Variants in LGR6 observed in about 807,000 individuals in gnomAD.
LGR6 encodes the protein leucine rich repeat containing G protein-coupled receptor 6, also known as leucine-rich repeat-containing G protein-coupled receptor 6.
Under a neutral mutation model 69.4 loss-of-function variants are expected in LGR6, and 45 were observed. That is an observed-to-expected ratio of 0.65 (90% CI 0.51 to 0.83). The LOEUF is 0.83. LGR6 is among the 40% of genes least tolerant of loss of function. The pLI is 0.00. For synonymous variants in LGR6, 538 were observed against 555.0 expected, an observed-to-expected ratio of 0.97 and a Z score of 0.43; for missense variants, 1,108 against 1,246.7, an observed-to-expected ratio of 0.89 and a Z score of 1.68.
chr1:202,199,188 G>A (rs1422456684), intron 1 of LGR6, among the ~76,000 whole-genome samples: 2 of 152,084 alleles, frequency 1.3e-5, no homozygotes, highest in Non-Finnish European at 2.9e-5. Flanking sequence ...GAGCTGCTCA[G>A]CTGCAGGCAG....
rs762201128 is a variant in LGR6 at position 202,309,177 on chromosome 1, G to A, written c.1406+1G>A. 3 of 1,613,854 alleles carry A rather than the reference G, an allele frequency of 1.9e-6. No individual in the cohort carries two copies. The highest frequency in any genetic ancestry group is 1.1e-5 in the South Asian group (1 of 91,064). On this transcript the variant is annotated splice_donor_variant, in intron 15 of 17. Transcript: ENST00000367278. LOFTEE classifies it high-confidence loss of function. ...CCAAGGACAGTTTCCCAAAACTGAG[G>A]TGAGGGACTGGCTTTCCCCAACACC...
intron 4 of LGR6, among the ~76,000 whole-genome samples, chr1:202,272,382 C>T (rs894963458): frequency 6.6e-6 from 1 of 152,180 alleles, no homozygotes; most frequent in Non-Finnish European, 1.5e-5. Flanking sequence ...CTTCCATGTG[C>T]TCATTCCACC....
chr1:202,198,668 GTTTT>G (rs56275558), intron 1 of LGR6, among the ~76,000 whole-genome samples: 2 of 127,672 alleles, frequency 1.6e-5, no homozygotes, highest in Non-Finnish European at 3.4e-5. Context: ...GTAATTTTAG[GTTTT>G]TTTTTTTTTT....
intron 4 of LGR6, among the ~76,000 whole-genome samples, chr1:202,243,352 G>A (rs1225437641): frequency 6.6e-6 from 1 of 152,102 alleles, no homozygotes; most frequent in Non-Finnish European, 1.5e-5. Context: ...GGGAGGTAGG[G>A]GATGTGAACA....
chr1:202,211,122 C>T (rs1281797389), intron 1 of LGR6, among the ~76,000 whole-genome samples: 2 of 152,210 alleles, frequency 1.3e-5, no homozygotes, highest in African/African-American at 4.8e-5. Flanking sequence ...GGGAGAGAAG[C>T]CTGGCAACAC....
intron 1 of LGR6, among the ~76,000 whole-genome samples, chr1:202,224,644 G>A (rs1660384971): frequency 6.6e-6 from 1 of 152,182 alleles, no homozygotes; most frequent in Non-Finnish European, 1.5e-5. Context: ...ATGCAACCTA[G>A]ACCCCTCGCA....
At chr1:202,209,603 G>A (rs1267364590) in intron 1 of LGR6, among the ~76,000 whole-genome samples, 2 of 152,214 alleles carry the variant, frequency 1.3e-5, no homozygotes, top group African/African-American at 4.8e-5. Context: ...AGTCAGCCTG[G>A]TCAATACTTA....
At chr1:202,210,342 A>G (rs1659411912) in intron 1 of LGR6, among the ~76,000 whole-genome samples, 1 of 152,118 alleles carries the variant, frequency 6.6e-6, no homozygotes, top group Non-Finnish European at 1.5e-5. Context: ...TGGATGCTCA[A>G]AAATATTGGT....
chr1:202,214,485 C>A lies in LGR6; in HGVS notation c.213-10938C>A, dbSNP rs577156669. 1.6e-3 allele frequency among the ~76,000 whole-genome samples: 242 copies of A among 151,890 alleles called. 1 individual carries two copies. The highest frequency in any genetic ancestry group is 0.01 in the Middle Eastern group (3 of 292). ...GCTGGGGTGGGCAGGGGCGCGCGCG[C>A]GAGGCTGGTCCCCGCCCCCGGGGCC... On this transcript the variant is annotated intron_variant, in intron 1 of 17. Transcript: ENST00000367278.
At chr1:202,227,659 T>C (rs1401306699) in intron 2 of LGR6, among the ~76,000 whole-genome samples, 1 of 152,174 alleles carries the variant, frequency 6.6e-6, no homozygotes, top group Non-Finnish European at 1.5e-5. Flanking sequence ...AACACCAGGC[T>C]CTGCCATGGA....
intron 6 of LGR6, among the ~76,000 whole-genome samples, chr1:202,285,092 C>T (rs1014971440): frequency 1.3e-5 from 2 of 152,206 alleles, no homozygotes; most frequent in South Asian, 2.1e-4. Context: ...TTGAATTCTG[C>T]CTTATAATAC....
At chr1:202,235,091 C>A (rs1661423793) in intron 3 of LGR6, among the ~76,000 whole-genome samples, 1 of 152,204 alleles carries the variant, frequency 6.6e-6, no homozygotes, top group Non-Finnish European at 1.5e-5. Flanking sequence ...GAGTGCTATC[C>A]TCAAAACTTT....
At chr1:202,264,808 T>C (rs1406084044) in intron 4 of LGR6, among the ~76,000 whole-genome samples, 2 of 152,144 alleles carry the variant, frequency 1.3e-5, no homozygotes, top group Non-Finnish European at 2.9e-5. Flanking sequence ...AATGCTCAGG[T>C]ATCATCCTTT....
intron 14 of LGR6, among the ~76,000 whole-genome samples, 158 bp from the exon 15 acceptor site, chr1:202,308,893 C>T (rs1438539038): frequency 6.6e-6 from 1 of 152,222 alleles, no homozygotes; most frequent in African/African-American, 2.4e-5. Flanking sequence ...GGCTGCCCTC[C>T]TCCCTCGGCA....
intron 11 of LGR6, 38 bp downstream of exon 11, chr1:202,304,668 GC>G: frequency 1.3e-6 from 2 of 1,532,856 alleles, no homozygotes; most frequent in Non-Finnish European, 9.0e-7. Flanking sequence ...TTGGCATTGT[GC>G]CCCTACCCCC....
chr1:202,309,368 T>A (rs1004770861), intron 15 of LGR6, among the ~76,000 whole-genome samples, 192 bp downstream of exon 15: 1 of 152,146 alleles, frequency 6.6e-6, no homozygotes, highest in African/African-American at 2.4e-5. Context: ...CCTCCTTATC[T>A]CCTTGGTGGC....
In LGR6 at chr1:202,319,224, T is replaced by A; in HGVS notation, c.*17T>A. 6.4e-7 allele frequency: 1 copy of A among 1,556,928 alleles called. No individual in the cohort carries two copies. The highest frequency in any genetic ancestry group is 8.7e-7 in the Non-Finnish European group (1 of 1,152,710). ...CACGTGTAAATATCCCTCCCCATTC[T>A]TCTCTTCCCCTCTCTTCCCTTTCCT... On this transcript the variant is annotated 3_prime_UTR_variant, in exon 18 of 18. Transcript: ENST00000367278.
At chr1:202,307,912 G>T (rs1653381325) in intron 14 of LGR6, among the ~76,000 whole-genome samples, 1 of 152,160 alleles carries the variant, frequency 6.6e-6, no homozygotes, top group South Asian at 2.1e-4. Flanking sequence ...TTATGTCAGG[G>T]CTGGAAGGGG....
At chr1:202,213,711 C>G (rs543212438) in intron 1 of LGR6, among the ~76,000 whole-genome samples, 1 of 152,304 alleles carries the variant, frequency 6.6e-6, no homozygotes, top group South Asian at 2.1e-4. Flanking sequence ...AACCTCACAA[C>G]ATTATCTTAT....
Sources: allele counts gnomAD v4.1 joint callset (sites outside exome capture counted in the v4.1 genomes callset), GRCh38; gene constraint gnomAD v4.1.1; transcripts MANE v1.5; gene names NCBI Gene and HGNC (gene_info 2026-07-23, HGNC 2026-07-21).